Variants in PPFIA2 observed in about 807,000 individuals in gnomAD.
PPFIA2 encodes liprin-alpha-2.
In PPFIA2, 46 loss-of-function variants were observed where a neutral mutation model predicts 175.5. That is an observed-to-expected ratio of 0.26 (90% CI 0.21 to 0.34). The LOEUF (loss-of-function observed/expected upper bound fraction) is 0.34, where lower values mean the gene tolerates loss of function less well. Ranked by LOEUF, PPFIA2 falls within the 10% of genes least tolerant of loss-of-function variation. The pLI is 1.00. For missense variants in PPFIA2, 1,179 were observed against 1,506.1 expected (o/e 0.78, Z 3.60); for synonymous variants, 568 against 511.4 (o/e 1.11, Z -1.49).
At chr12:81,603,065 G>T (rs941393384) in intron 4 of PPFIA2, among the ~76,000 whole-genome samples, 1 of 151,722 alleles carries the variant, frequency 6.6e-6, no homozygotes, top group African/African-American at 2.4e-5. Flanking sequence ...TTAAAAATCA[G>T]CCTGGTCATA....
intron 28 of PPFIA2, chr12:81,270,764 C>T (rs1476022919): frequency 2.6e-5 from 4 of 152,142 alleles, no homozygotes; most frequent in African/African-American, 9.7e-5. Flanking sequence ...GATACAGCAG[C>T]CCTGACAAAC....
At chr12:81,620,153 CCTT>C (rs1216266105) in intron 4 of PPFIA2, among the ~76,000 whole-genome samples, 2 of 110,818 alleles carry the variant, frequency 1.8e-5, no homozygotes, top group African/African-American at 6.6e-5. Flanking sequence ...GAGTGACACT[CCTT>C]CTCAAAAAAA....
chr12:81,632,575 C>G (rs761197037), intron 4 of PPFIA2, among the ~76,000 whole-genome samples: 13 of 152,094 alleles, frequency 8.5e-5, no homozygotes, highest in Non-Finnish European at 1.3e-4. Context: ...CTATATTGAG[C>G]TGAAATTCTT....
intron 7 of PPFIA2, among the ~76,000 whole-genome samples, chr12:81,425,108 C>T (rs2046914922): frequency 6.6e-6 from 1 of 152,130 alleles, no homozygotes; most frequent in African/African-American, 2.4e-5. Context: ...GGTGATAGTA[C>T]TCCCTGTTTT....
intron 3 of PPFIA2, among the ~76,000 whole-genome samples, chr12:81,726,823 C>A (rs1038036431): frequency 6.6e-6 from 1 of 151,322 alleles, no homozygotes; most frequent in African/African-American, 2.4e-5. Context: ...TTAGCTTTGG[C>A]CAACAGAATG....
intron 7 of PPFIA2, among the ~76,000 whole-genome samples, chr12:81,435,338 C>G (rs1164580247): frequency 6.6e-6 from 1 of 152,136 alleles, no homozygotes; most frequent in Non-Finnish European, 1.5e-5. Flanking sequence ...ATTAACAAAG[C>G]CCTGTGGCAA....
chr12:81,267,164 G>T, intron 29 of PPFIA2, 144 bp from the exon 30 acceptor site: 1 of 634,840 alleles, frequency 1.6e-6, no homozygotes, highest in South Asian at 1.7e-5. Context: ...TCTGTTATTA[G>T]CCATTGTAAA....
At chr12:81,639,943 CAGA>C (rs1450864813) in intron 4 of PPFIA2, among the ~76,000 whole-genome samples, 1 of 152,068 alleles carries the variant, frequency 6.6e-6, no homozygotes, top group Non-Finnish European at 1.5e-5. Context: ...TTGAAGGCAG[CAGA>C]AGATGCCAAA....
intron 3 of PPFIA2, among the ~76,000 whole-genome samples, chr12:81,683,498 C>T (rs1165349417): frequency 6.6e-6 from 1 of 151,948 alleles, no homozygotes; most frequent in Admixed American, 6.6e-5. Flanking sequence ...AAATGGTTTC[C>T]CAGCAATCTT....
At chr12:81,306,319 C>G (rs1473985686) in intron 22 of PPFIA2, among the ~76,000 whole-genome samples, 2 of 152,032 alleles carry the variant, frequency 1.3e-5, no homozygotes, top group Non-Finnish European at 2.9e-5. Context: ...CTTTGCCTGT[C>G]CTTTTGGGCT....
rs2076047413 is a variant in PPFIA2, at chr12:81,697,690, C to T, written c.250-20846G>A. 2.0e-5 allele frequency among the ~76,000 whole-genome samples: 3 copies of T among 152,064 alleles called. No homozygotes were observed. In the South Asian group the frequency reaches 6.2e-4, roughly 32 times the overall value. ...ACTTTTCCAAAATGTTACAAATGCT[C>T]CCATATGTCTGTCTCCTTCACTATT... On this transcript the variant is annotated intron_variant, in intron 3 of 32. Coordinates refer to ENST00000549396, the MANE Select transcript of PPFIA2 (RefSeq NM_003625.5).
At chr12:81,526,792 T>C (rs879390723) in intron 4 of PPFIA2, among the ~76,000 whole-genome samples, 1 of 152,196 alleles carries the variant, frequency 6.6e-6, no homozygotes, top group Admixed American at 6.5e-5. Flanking sequence ...AGCTCCTCAA[T>C]ACCCAGTGGT....
chr12:81,738,387 T>C (rs534814765), intron 3 of PPFIA2, among the ~76,000 whole-genome samples: 1 of 151,784 alleles, frequency 6.6e-6, no homozygotes, highest in Non-Finnish European at 1.5e-5. Context: ...AGAAGAAAAA[T>C]GATCCCAGAT....
chr12:81,615,687 G>A (rs774131580), intron 4 of PPFIA2, among the ~76,000 whole-genome samples: 1 of 151,970 alleles, frequency 6.6e-6, no homozygotes, highest in Non-Finnish European at 1.5e-5. Flanking sequence ...GGAGGGTTAA[G>A]AAAAAAAGCC....
intron 20 of PPFIA2, among the ~76,000 whole-genome samples, chr12:81,340,411 G>A (rs1179744911): frequency 1.3e-5 from 2 of 152,026 alleles, no homozygotes; most frequent in African/African-American, 4.8e-5. Context: ...GAGACAATAA[G>A]AGAAGATATA....
chr12:81,398,413 T>C (rs963544610), intron 8 of PPFIA2, among the ~76,000 whole-genome samples: 16 of 152,098 alleles, frequency 1.1e-4, no homozygotes, highest in Non-Finnish European at 1.2e-4. Context: ...TTAAAGTAAA[T>C]AATCTTATAT....
chr12:81,655,680 G>A (rs1280030733), intron 4 of PPFIA2, among the ~76,000 whole-genome samples: 1 of 151,872 alleles, frequency 6.6e-6, no homozygotes, highest in Non-Finnish European at 1.5e-5. Context: ...TATTCTATAT[G>A]ATTTCAATTC....
At chr12:81,493,787 T>TACATATAC (rs2059706662) in intron 4 of PPFIA2, among the ~76,000 whole-genome samples, 1 of 128,348 alleles carries the variant, frequency 7.8e-6, no homozygotes, top group Admixed American at 7.9e-5. Flanking sequence ...TATATATATA[T>TACATATAC]ACACATTGGA....
At chr12:81,653,956 A>G (rs1469411196) in intron 4 of PPFIA2, among the ~76,000 whole-genome samples, 1 of 152,110 alleles carries the variant, frequency 6.6e-6, no homozygotes, top group Non-Finnish European at 1.5e-5. Context: ...GTAAACATAT[A>G]AATATAGTAA....
Sources: allele counts gnomAD v4.1 joint callset (sites outside exome capture counted in the v4.1 genomes callset), GRCh38; gene constraint gnomAD v4.1.1; transcripts MANE v1.5; gene names NCBI Gene and HGNC (gene_info 2026-07-23, HGNC 2026-07-21).